The following EPRS1 variants were observed in gnomAD, a reference collection of about 807,000 sequenced individuals.
EPRS1 encodes the protein glutamyl-prolyl-tRNA synthetase 1.
A neutral mutation model predicts 188.3 loss-of-function variants in EPRS1; 107 were observed. That is an observed-to-expected ratio of 0.57 (90% CI 0.49 to 0.67). EPRS1 has a LOEUF of 0.67. EPRS1 is among the 30% of genes least tolerant of loss of function. EPRS1 has a pLI of 0.00. For synonymous variants in EPRS1, 596 were observed against 593.1 expected (o/e 1.00, Z -0.07); for missense variants, 1,577 against 1,802.2 (o/e 0.88, Z 2.26).
At chr1:220,020,840 A>ATC (rs1661863525) in intron 9 of EPRS1, among the ~76,000 whole-genome samples, 1 of 14,940 alleles carries the variant, frequency 6.7e-5, no homozygotes, top group Non-Finnish European at 1.7e-4. Context: ...ATATATATAT[A>ATC]TATATATATA....
In EPRS1 at chr1:220,001,198, T is replaced by G; in HGVS notation, c.2121A>C (p.Thr707=). Residue 707 remains threonine (T), a synonymous_variant, in exon 17 of 32, where the codon ACA becomes ACC. Coordinates refer to ENST00000366923, the MANE Select transcript of EPRS1 (RefSeq NM_004446.3). ...CVLIYIPDGH[T]KEMPTSGSKE... ...TTGACCCTGATGTTGGCATTTCCTT[T>G]GTGTGCCCATCAGGAATGTATATCA... The G allele has an allele frequency of 6.2e-7, 1 of 1,614,104 alleles. No individual in the cohort carries two copies. Among genetic ancestry groups the G allele is most frequent in the Non-Finnish European group, 8.5e-7 (1 of 1,179,958 alleles).
chr1:219,983,459 C>A, intron 21 of EPRS1, 61 bp from the exon 22 acceptor site: 1 of 1,216,350 alleles, frequency 8.2e-7, no homozygotes, highest in Non-Finnish European at 1.2e-6. Context: ...GTATAAGTGG[C>A]AAGAGTATGA....
At chr1:220,045,839 T>C (rs1266897759) in intron 1 of EPRS1, among the ~76,000 whole-genome samples, 1 of 152,196 alleles carries the variant, frequency 6.6e-6, no homozygotes, top group Non-Finnish European at 1.5e-5. Flanking sequence ...TTATTTCTTC[T>C]GAACTCGATA....
At chr1:219,970,125 A>G (rs1283767884) in intron 30 of EPRS1, among the ~76,000 whole-genome samples, 2 of 152,210 alleles carry the variant, frequency 1.3e-5, no homozygotes, top group African/African-American at 4.8e-5. Context: ...CCCAGCCAAC[A>G]AGTATTAAAA....
chr1:219,972,409 A>C (rs950024057), intron 29 of EPRS1, among the ~76,000 whole-genome samples: 2 of 152,148 alleles, frequency 1.3e-5, no homozygotes, highest in African/African-American at 4.8e-5. Context: ...TAAATCTCTA[A>C]TGACCATCAT....
At chr1:219,997,616 C>T (rs574990769) in intron 17 of EPRS1, among the ~76,000 whole-genome samples, 17 of 152,178 alleles carry the variant, frequency 1.1e-4, no homozygotes, top group African/African-American at 4.1e-4. Flanking sequence ...CATTAGGGGA[C>T]TAAAGAAATT....
chr1:220,001,481 T>C (rs1358508592), intron 16 of EPRS1, among the ~76,000 whole-genome samples: 1 of 152,162 alleles, frequency 6.6e-6, no homozygotes, highest in Non-Finnish European at 1.5e-5. Context: ...TTCTCCTGCC[T>C]CAGCCTGTAA....
chr1:219,998,316 C>G (rs1355082470), intron 17 of EPRS1, among the ~76,000 whole-genome samples: 1 of 152,020 alleles, frequency 6.6e-6, no homozygotes, highest in Non-Finnish European at 1.5e-5. Context: ...CAAGCTGTAT[C>G]AGAGTTGCAT....
chr1:219,997,828 AGGT>A (rs1661265900), intron 17 of EPRS1, among the ~76,000 whole-genome samples: 1 of 152,204 alleles, frequency 6.6e-6, no homozygotes, highest in Non-Finnish European at 1.5e-5. Context: ...AATAAGCATT[AGGT>A]ATCACTATTA....
At position 220,006,271 on chromosome 1, in the gene EPRS1, A is replaced by G. The variant is rs758037074; in HGVS notation, c.1785T>C (p.Asn595=). The G allele has an allele frequency of 6.3e-7, 1 of 1,588,568 alleles. No homozygotes were observed. The highest frequency in any genetic ancestry group is 1.1e-5 in the South Asian group (1 of 87,264). ...TTTTCTTGTAGTCTTTGTTTTCCAA[A>G]TTCAACTTTGCATCAAGAGATATGA... The part of the protein sequence containing the change: ...GKIISLDAKL[N]LENKDYKKTT... The change falls in exon 15 of 32, where the codon AAT becomes AAC. Residue 595 remains asparagine (N), a synonymous_variant. Coordinates refer to ENST00000366923, the MANE Select transcript of EPRS1 (RefSeq NM_004446.3).
intron 13 of EPRS1, 50 bp from the exon 14 acceptor site, chr1:220,007,388 A>T (rs1661510813): frequency 1.3e-6 from 2 of 1,565,532 alleles, no homozygotes; most frequent in South Asian, 2.4e-5. Flanking sequence ...AACTTATTGA[A>T]CCCAGTATGC....
At chr1:220,004,632 G>A (rs188117140) in intron 16 of EPRS1, among the ~76,000 whole-genome samples, 15 of 152,254 alleles carry the variant, frequency 9.9e-5, no homozygotes, top group Admixed American at 4.6e-4. Flanking sequence ...TTTTGAACAC[G>A]TTGAGTTTGA....
chr1:219,984,302 T>C (rs370854707), intron 20 of EPRS1, 45 bp from the exon 21 acceptor site: 34 of 1,325,934 alleles, frequency 2.6e-5, no homozygotes, highest in Non-Finnish European at 3.5e-5. Flanking sequence ...ATTCAGCAAC[T>C]GCTTTAGGTT....
intron 16 of EPRS1, among the ~76,000 whole-genome samples, chr1:220,001,626 T>C (rs1661354077): frequency 6.6e-6 from 1 of 152,160 alleles, no homozygotes; most frequent in Non-Finnish European, 1.5e-5. Context: ...TGTGAGCCAC[T>C]GCACCTGTCC....
At chr1:219,998,441 T>C (rs1214394572) in intron 17 of EPRS1, among the ~76,000 whole-genome samples, 1 of 152,158 alleles carries the variant, frequency 6.6e-6, no homozygotes, top group Non-Finnish European at 1.5e-5. Context: ...TGAGATTCTA[T>C]ATGTACACTC....
rs56389209 is a variant in EPRS1, at chr1:220,033,879, C to CTT, written c.232-223_232-222dup. 5.3e-3 allele frequency among the ~76,000 whole-genome samples: 767 copies of CTT among 144,686 alleles called. 4 individuals carry two copies. Among genetic ancestry groups the CTT allele is most frequent in the East Asian group, 0.017 (84 of 4,992 alleles). 94.9% of individuals were successfully genotyped at this position (144,686 alleles called of 152,430 possible). On this transcript the variant is annotated intron_variant, in intron 3 of 31. Transcript: ENST00000366923. ...CACATTTATTTTGCTATGCTTTCTG[C>CTT]TTTTTTTTTTTTTTACAGGAGTGTG... is the stretch of plus-strand genomic sequence containing the variant.
intron 28 of EPRS1, among the ~76,000 whole-genome samples, chr1:219,976,022 T>C (rs919674002): frequency 6.6e-6 from 1 of 152,122 alleles, no homozygotes; most frequent in Non-Finnish European, 1.5e-5. Flanking sequence ...GTAGAAAAAG[T>C]ACAAGATAAG....
chr1:219,990,385 T>C (rs1216829619), intron 18 of EPRS1, among the ~76,000 whole-genome samples: 1 of 152,168 alleles, frequency 6.6e-6, no homozygotes, highest in Non-Finnish European at 1.5e-5. Flanking sequence ...TAAAGATTCT[T>C]GAGAGAATTT....
At chr1:220,020,824 TTATATATATATATATATATATA>T (rs71169429) in intron 9 of EPRS1, among the ~76,000 whole-genome samples, 3,184 of 109,250 alleles carry the variant, frequency 0.029, 116 homozygotes, top group East Asian at 0.084. Context: ...CAATTTGAAT[TTATATATATATATATATATATA>T]TATATATATA....
Sources: gnomAD v4.1 joint callset for allele counts (sites outside exome capture counted in the v4.1 genomes callset) on GRCh38, gnomAD v4.1.1 for gene constraint, MANE v1.5 for transcripts, NCBI Gene and HGNC (gene_info 2026-07-23, HGNC 2026-07-21) for gene names.